The following MAPKAP1 variants were observed in gnomAD, a reference collection of about 807,000 sequenced individuals.
The protein encoded by MAPKAP1 is MAPK associated protein 1, also known as target of rapamycin complex 2 subunit MAPKAP1.
Under a neutral mutation model 65.7 loss-of-function variants are expected in MAPKAP1, and 20 were observed. That is an observed-to-expected ratio of 0.30 (90% CI 0.21 to 0.44). MAPKAP1 has a LOEUF of 0.44. Among genes scored for constraint, MAPKAP1 ranks in the 20% least tolerant of loss-of-function variants. The pLI is 1.00. For synonymous variants in MAPKAP1, 222 were observed against 244.3 expected (o/e 0.91, Z 0.85); for missense variants, 423 against 648.0 (o/e 0.65, Z 3.77).
intron 7 of MAPKAP1, among the ~76,000 whole-genome samples, chr9:125,514,776 G>A (rs944524900): frequency 6.6e-6 from 1 of 152,172 alleles, no homozygotes; most frequent in Non-Finnish European, 1.5e-5. Context: ...CAATGGGCTG[G>A]AGACTTATGG....
At chr9:125,666,311 T>A (rs981980634) in intron 3 of MAPKAP1, among the ~76,000 whole-genome samples, 10 of 152,166 alleles carry the variant, frequency 6.6e-5, no homozygotes, top group African/African-American at 2.2e-4. Context: ...AAACCCTCTA[T>A]CTCCTCTATG....
chr9:125,612,463 G>C (rs1351514110), intron 4 of MAPKAP1, among the ~76,000 whole-genome samples: 1 of 152,092 alleles, frequency 6.6e-6, no homozygotes, highest in Non-Finnish European at 1.5e-5. Flanking sequence ...GGCATGTGGA[G>C]TAAGATTGGA....
At chr9:125,697,927 A>G (rs1835434311) in intron 1 of MAPKAP1, among the ~76,000 whole-genome samples, 1 of 151,972 alleles carries the variant, frequency 6.6e-6, no homozygotes, top group Admixed American at 6.6e-5. Context: ...AAACACTCTC[A>G]CAATATAATC....
chr9:125,662,139 C>T (rs1275365147), intron 3 of MAPKAP1, among the ~76,000 whole-genome samples: 3 of 152,046 alleles, frequency 2.0e-5, no homozygotes, highest in African/African-American at 2.4e-5. Context: ...TCTAGCACTT[C>T]GGGAGGCCAA....
At chr9:125,537,247 A>T (rs1330758166) in intron 7 of MAPKAP1, among the ~76,000 whole-genome samples, 1 of 152,240 alleles carries the variant, frequency 6.6e-6, no homozygotes, top group East Asian at 1.9e-4. Context: ...ATCATTACAT[A>T]TACAGTTACC....
intron 10 of MAPKAP1, among the ~76,000 whole-genome samples, chr9:125,461,623 C>T (rs1853498009): frequency 6.6e-6 from 1 of 152,178 alleles, no homozygotes; most frequent in African/African-American, 2.4e-5. Flanking sequence ...ACTGCCTGCT[C>T]CTGATTGTGC....
chr9:125,643,411 T>C (rs376946150), intron 4 of MAPKAP1, among the ~76,000 whole-genome samples: 4 of 152,086 alleles, frequency 2.6e-5, no homozygotes, highest in Non-Finnish European at 5.9e-5. Flanking sequence ...GCCAGGCTGG[T>C]CTCAAACTCC....
intron 8 of MAPKAP1, among the ~76,000 whole-genome samples, chr9:125,495,819 A>G (rs999458854): frequency 7.9e-5 from 12 of 152,238 alleles, no homozygotes; most frequent in Non-Finnish European, 1.5e-4. Context: ...GTGCTGGCCA[A>G]TGCCCAAAGG....
intron 6 of MAPKAP1, among the ~76,000 whole-genome samples, chr9:125,550,347 T>C (rs2133190844): frequency 6.6e-6 from 1 of 152,258 alleles, no homozygotes; most frequent in East Asian, 1.9e-4. Context: ...TGAGACATAG[T>C]AACTAAACAT....
intron 4 of MAPKAP1, among the ~76,000 whole-genome samples, chr9:125,615,688 G>A (rs1832725669): frequency 6.6e-6 from 1 of 152,142 alleles, no homozygotes; most frequent in African/African-American, 2.4e-5. Flanking sequence ...CAAGGTGAGT[G>A]GATAACTTGA....
chr9:125,486,179 G>A (rs972200275), intron 8 of MAPKAP1, among the ~76,000 whole-genome samples: 1 of 152,198 alleles, frequency 6.6e-6, no homozygotes, highest in Non-Finnish European at 1.5e-5. Context: ...TGCATTGAAG[G>A]TCTTATAATT....
At chr9:125,706,863 G>A (rs1032161268) in intron 1 of MAPKAP1, 108 bp downstream of exon 1, 2 of 362,158 alleles carry the variant, frequency 5.5e-6, no homozygotes, top group Non-Finnish European at 9.8e-6. Flanking sequence ...GGGCCCGGCA[G>A]GCGGCCCGCC....
chr9:125,603,983 T>C (rs550923683), intron 4 of MAPKAP1, among the ~76,000 whole-genome samples: 1 of 152,248 alleles, frequency 6.6e-6, no homozygotes, highest in African/African-American at 2.4e-5. Flanking sequence ...AAGAAAGAAA[T>C]ATAATGCTGT....
chr9:125,489,533 T>G (rs1474746933), intron 8 of MAPKAP1, among the ~76,000 whole-genome samples: 1 of 152,098 alleles, frequency 6.6e-6, no homozygotes, highest in Admixed American at 6.5e-5. Context: ...ACAGCTCAAA[T>G]GGACTGACAA....
chr9:125,542,865 T>C lies in MAPKAP1; in HGVS notation c.958+194A>G, dbSNP rs144954309. 3.2e-4 allele frequency: 235 copies of C among 739,330 alleles called. 1 individual carries two copies. In the African/African-American group the frequency reaches 3.6e-3, roughly 11 times the overall value. The allele number at this position is 739,330 out of a possible 1,614,324, so 45.8% of individuals were successfully genotyped here. On this transcript the variant is annotated intron_variant, in intron 7 of 11. Coordinates refer to ENST00000265960, the MANE Select transcript of MAPKAP1 (RefSeq NM_001006617.3). ...GATATGAATACATTCTTCTCACATA[T>C]GCCGCTGACCCAGTCCCTTTCTGAG...
chr9:125,706,672 G>A, intron 1 of MAPKAP1, among the ~76,000 whole-genome samples: 1 of 151,916 alleles, frequency 6.6e-6, no homozygotes, highest in East Asian at 1.9e-4. Flanking sequence ...ATGAAGACCA[G>A]GGCACCTAGA....
At chr9:125,533,604 C>T (rs1829994698) in intron 7 of MAPKAP1, among the ~76,000 whole-genome samples, 1 of 152,110 alleles carries the variant, frequency 6.6e-6, no homozygotes, top group Non-Finnish European at 1.5e-5. Flanking sequence ...GCACCTGTCA[C>T]CTAATTTGGC....
chr9:125,447,627 C>T lies in MAPKAP1; in HGVS notation c.1346-3029G>A, dbSNP rs563512931. ...CTGGGCGGCCAGAAGGGCAGTTTTC[C>T]TCAGTCTGGGCTCTGCCAGGAGCAT... On this transcript the variant is annotated intron_variant, in intron 10 of 11. Coordinates refer to ENST00000265960, the MANE Select transcript of MAPKAP1 (RefSeq NM_001006617.3). This position sits in a 1 kb window ranked among gnomAD's most constrained non-coding sequence, Gnocchi z 4.5. 2.5e-6 allele frequency: 1 copy of T among 400,248 alleles called. No individual in the cohort carries two copies. Among genetic ancestry groups the T allele is most frequent in the South Asian group, 1.8e-5 (1 of 54,664 alleles). The allele number at this position is 400,248 out of a possible 1,614,324, so 24.8% of individuals were successfully genotyped here.
intron 11 of MAPKAP1, among the ~76,000 whole-genome samples, chr9:125,441,834 A>T (rs1852496583): frequency 1.3e-5 from 2 of 152,174 alleles, no homozygotes. Context: ...TTGCTATAAA[A>T]ATCAGAGATG....
Sources: allele counts gnomAD v4.1 joint callset (sites outside exome capture counted in the v4.1 genomes callset), GRCh38; gene constraint gnomAD v4.1.1; non-coding constraint Gnocchi (gnomAD v3.1); transcripts MANE v1.5; gene names NCBI Gene and HGNC (gene_info 2026-07-23, HGNC 2026-07-21).